The following RNF128 variants were observed in gnomAD, a reference collection of about 807,000 sequenced individuals.
The protein encoded by RNF128 is ring finger protein 128, also known as E3 ubiquitin-protein ligase RNF128.
In RNF128, 13 loss-of-function variants were observed where a neutral mutation model predicts 26.2. That is an observed-to-expected ratio of 0.50 (90% CI 0.32 to 0.79). The LOEUF (loss-of-function observed/expected upper bound fraction) is 0.79. RNF128 is among the 30% of genes least tolerant of loss of function. The pLI is 0.03. For synonymous variants in RNF128, 149 were observed against 142.5 expected, an observed-to-expected ratio of 1.05 and a Z score of -0.32; for missense variants, 315 against 349.7, an observed-to-expected ratio of 0.90 and a Z score of 0.79.
chrX:106,793,206 C>T (rs1428819525), intron 6 of RNF128, among the ~76,000 whole-genome samples: 3 of 110,373 alleles, frequency 2.7e-5, no homozygotes, highest in Non-Finnish European at 3.8e-5. Context: ...TTCTACTAGT[C>T]CAGGGACCAC....
chrX:106,759,028 C>G (rs764685226), intron 1 of RNF128, among the ~76,000 whole-genome samples: 8 of 111,815 alleles, frequency 7.2e-5, no homozygotes, highest in Non-Finnish European at 1.5e-4. Context: ...TATTTGCAAA[C>G]TATTCATCTG....
intron 2 of RNF128, among the ~76,000 whole-genome samples, chrX:106,774,204 A>G (rs1295146244): frequency 9.0e-6 from 1 of 111,145 alleles, no homozygotes; most frequent in Non-Finnish European, 1.9e-5. Flanking sequence ...ACCTCCTCCA[A>G]CTTTACTCTC....
rs756427152 is a variant in RNF128 at position 106,749,911 on chromosome X, A to C, written c.484+22514A>C. 3.7e-4 allele frequency among the ~76,000 whole-genome samples: 41 copies of C among 111,925 alleles called. 1 individual carries two copies. Among genetic ancestry groups the C allele is most frequent in the Admixed American group, 2.9e-3 (31 of 10,530 alleles). On this transcript the variant is annotated intron_variant, in intron 1 of 6. Coordinates refer to ENST00000255499, the MANE Select transcript of RNF128 (RefSeq NM_194463.2). ...CAGAGCGAGACCTTGTTTCAAAAAA[A>C]AAAAAAAGGAAATTAGGTATGCACA...
chrX:106,718,651 C>T (rs1929258881), intron 1 of RNF128, among the ~76,000 whole-genome samples: 1 of 110,989 alleles, frequency 9.0e-6, no homozygotes, highest in South Asian at 3.9e-4. Flanking sequence ...GTATTTTCCC[C>T]ATTAAAGTTC....
chrX:106,738,042 T>C (rs1320224493), intron 1 of RNF128, among the ~76,000 whole-genome samples: 2 of 112,047 alleles, frequency 1.8e-5, no homozygotes, highest in Non-Finnish European at 3.8e-5. Context: ...CATCATTTGA[T>C]GGTAAGGAAA....
Position 106,743,034 on chromosome X carries a change from G to A in RNF128, c.484+15637G>A, listed in dbSNP as rs922033090. 1.4e-4 allele frequency among the ~76,000 whole-genome samples: 15 copies of A among 110,730 alleles called. No individual in the cohort carries two copies. In the Admixed American group the frequency reaches 1.4e-3, roughly 10 times the overall value. On this transcript the variant is annotated intron_variant, in intron 1 of 6. Transcript: ENST00000255499. ...TACCAAAGTATGATGGTTATCTGAA[G>A]GAAAAGCACTTGTATGACTGAGTCA...
intron 1 of RNF128, among the ~76,000 whole-genome samples, chrX:106,747,446 G>T (rs745968964): frequency 9.0e-6 from 1 of 111,363 alleles, no homozygotes; most frequent in Admixed American, 9.6e-5. Flanking sequence ...ATTAATAAAT[G>T]ATTTGGAGAG....
chrX:106,714,177 CAAA>C (rs59889624), intron 1 of RNF128, among the ~76,000 whole-genome samples: 9 of 51,601 alleles, frequency 1.7e-4, no homozygotes, highest in African/African-American at 3.9e-4. Flanking sequence ...GACTCCGTCT[CAAA>C]AAAAAAAAAA....
At chrX:106,765,466 G>A (rs1445129548) in intron 1 of RNF128, among the ~76,000 whole-genome samples, 1 of 110,980 alleles carries the variant, frequency 9.0e-6, no homozygotes, top group Non-Finnish European at 1.9e-5. Flanking sequence ...ACTGAGAAAT[G>A]GCTTTTAGAG....
Position 106,795,820 on chromosome X carries a change from T to C in RNF128, c.*107T>C, listed in dbSNP as rs1930906847. ...AAATTTAATAAAATAAGAGTGATAC[T>C]GAAAGTGCTCAGATGACTAATATTA... On this transcript the variant is annotated 3_prime_UTR_variant, in exon 7 of 7. Coordinates refer to ENST00000255499, the MANE Select transcript of RNF128 (RefSeq NM_194463.2). 2 of 666,304 alleles carry C rather than the reference T, an allele frequency of 3.0e-6. No individual in the cohort carries two copies. The highest frequency in any genetic ancestry group is 4.3e-6 in the Non-Finnish European group (2 of 464,181). The allele number at this position is 666,304 out of a possible 1,213,427, so 54.9% of individuals were successfully genotyped here. A position where few individuals can be genotyped will look rare whatever the true frequency, so the allele number is the denominator to read the frequency against.
rs1930926814 is a variant in RNF128, at chrX:106,796,802, T to C, written c.*1089T>C. On this transcript the variant is annotated 3_prime_UTR_variant, in exon 7 of 7. Coordinates refer to ENST00000255499, the MANE Select transcript of RNF128 (RefSeq NM_194463.2). ...AAAAATGCACTTTATTTGTACTCTGTGTGGCTTTTGTTTTAGAATTTTGTT... is the reference window on the plus strand; with the variant it reads ...AAAAATGCACTTTATTTGTACTCTGCGTGGCTTTTGTTTTAGAATTTTGTT... The C allele has an allele frequency of 4.5e-5, 5 of 111,657 alleles. No individual in the cohort carries two copies. Among genetic ancestry groups the C allele is most frequent in the Admixed American group, 3.9e-4 (4 of 10,389 alleles). The allele number at this position is 111,657 out of a possible 1,213,427, so 9.2% of individuals were successfully genotyped here. A position where few individuals can be genotyped will look rare whatever the true frequency, so the allele number is the denominator to read the frequency against.
intron 3 of RNF128, 60 bp from the exon 4 acceptor site, chrX:106,787,858 T>C (rs1602392369): frequency 1.3e-6 from 1 of 796,706 alleles, no homozygotes; most frequent in African/African-American, 2.1e-5. Context: ...TCTGATCTTG[T>C]TCTGTAGTTT....
intron 1 of RNF128, among the ~76,000 whole-genome samples, chrX:106,740,095 G>C: frequency 8.9e-6 from 1 of 111,851 alleles, no homozygotes; most frequent in Non-Finnish European, 1.9e-5. Context: ...AAGTTTGAAT[G>C]CCCCTTTATG....
chrX:106,711,878 A>G (rs769371637), intron 1 of RNF128, among the ~76,000 whole-genome samples: 2 of 111,970 alleles, frequency 1.8e-5, no homozygotes, highest in East Asian at 5.6e-4. Flanking sequence ...TGATTTGAAT[A>G]AAACAAAAAT....
chrX:106,746,463 T>C (rs1369606344), intron 1 of RNF128, among the ~76,000 whole-genome samples: 1 of 111,327 alleles, frequency 9.0e-6, no homozygotes. Context: ...TAATAAATAT[T>C]TGTTCAGTGA....
chrX:106,737,844 G>T (rs1279248758), intron 1 of RNF128, among the ~76,000 whole-genome samples: 1 of 111,653 alleles, frequency 9.0e-6, no homozygotes, highest in Non-Finnish European at 1.9e-5. Flanking sequence ...GTTCATTTTG[G>T]CAAAAGGGCA....
At chrX:106,758,593 C>T (rs1383342905) in intron 1 of RNF128, among the ~76,000 whole-genome samples, 2 of 110,775 alleles carry the variant, frequency 1.8e-5, no homozygotes, top group African/African-American at 6.5e-5. Flanking sequence ...ACATATAGAC[C>T]AAAGAAAAAT....
At chrX:106,779,152 T>C (rs1309761923) in intron 2 of RNF128, among the ~76,000 whole-genome samples, 7 of 111,786 alleles carry the variant, frequency 6.3e-5, no homozygotes, top group African/African-American at 2.3e-4. Flanking sequence ...AAAGCTCTTA[T>C]AATGGGTCTC....
rs766907592 is a variant in RNF128, at chrX:106,773,123, G to T, written c.695G>T (p.Arg232Leu). 8.3e-7 allele frequency: 1 copy of T among 1,209,307 alleles called. No homozygotes were observed. ...TVGYFIFYSA[R>L]RLRNARAQSR... ...GGCTATTTTATCTTTTATTCTGCTC[G>T]AAGGCTACGGAATGCAAGAGCTCAA... is the stretch of plus-strand genomic sequence containing the variant. Residue 232 changes from arginine (R) to leucine (L), a missense_variant, in exon 2 of 7, where the codon CGA becomes CTA. Physicochemically the swap from Arg to Leu is moderately radical, Grantham distance 102. Transcript: ENST00000255499.
Sources: allele counts gnomAD v4.1 joint callset (sites outside exome capture counted in the v4.1 genomes callset), GRCh38; gene constraint gnomAD v4.1.1; transcripts MANE v1.5; gene names NCBI Gene and HGNC (gene_info 2026-07-23, HGNC 2026-07-21).